Variants in LHFPL6 observed in about 807,000 individuals in gnomAD.
The protein encoded by LHFPL6 is LHFPL tetraspan subfamily member 6 protein.
A neutral mutation model predicts 20.6 loss-of-function variants in LHFPL6; 9 were observed. The observed-to-expected ratio is 0.44, with a 90% CI of 0.26 to 0.76. The LOEUF (loss-of-function observed/expected upper bound fraction) is 0.76. Among genes scored for constraint, LHFPL6 ranks in the 30% least tolerant of loss-of-function variants. The probability of loss-of-function intolerance (pLI) is 0.20; values close to 1 mark genes in which losing one functional copy is unlikely to be tolerated. For synonymous variants in LHFPL6, 105 were observed against 98.7 expected, an observed-to-expected ratio of 1.06 and a Z score of -0.38; for missense variants, 218 against 253.5, an observed-to-expected ratio of 0.86 and a Z score of 0.95.
intron 2 of LHFPL6, among the ~76,000 whole-genome samples, chr13:39,563,129 C>CACACAT (rs1230197586): frequency 1.5e-5 from 2 of 131,176 alleles, no homozygotes; most frequent in Non-Finnish European, 3.2e-5. Flanking sequence ...CACACACACA[C>CACACAT]ACACACACAC....
intron 2 of LHFPL6, among the ~76,000 whole-genome samples, chr13:39,410,421 G>T (rs1005838497): frequency 4.6e-5 from 7 of 152,182 alleles, no homozygotes; most frequent in African/African-American, 1.7e-4. Flanking sequence ...GTGGTCTCCA[G>T]TATCCCCATG....
intron 2 of LHFPL6, among the ~76,000 whole-genome samples, chr13:39,473,385 C>A (rs1207576365): frequency 2.7e-5 from 4 of 150,522 alleles, no homozygotes; most frequent in Non-Finnish European, 5.9e-5. Context: ...GTTTACTAGT[C>A]CAATATGCCA....
chr13:39,362,977 A>G (rs557232909), intron 3 of LHFPL6, among the ~76,000 whole-genome samples: 18 of 152,296 alleles, frequency 1.2e-4, no homozygotes, highest in Admixed American at 5.2e-4. Flanking sequence ...CACAGAGCCC[A>G]TTTTCCTCCA....
chr13:39,445,248 CA>C (rs1243252637), intron 2 of LHFPL6, among the ~76,000 whole-genome samples: 2 of 152,210 alleles, frequency 1.3e-5, no homozygotes, highest in Non-Finnish European at 2.9e-5. Context: ...ATGAAATGGA[CA>C]CAGTCCCTTT....
At chr13:39,554,538 T>C (rs1871243178) in intron 2 of LHFPL6, among the ~76,000 whole-genome samples, 1 of 152,236 alleles carries the variant, frequency 6.6e-6, no homozygotes, top group Non-Finnish European at 1.5e-5. Context: ...TTCCTTCTAG[T>C]TGTTTCGCCT....
At chr13:39,426,291 G>A (rs1392562266) in intron 2 of LHFPL6, among the ~76,000 whole-genome samples, 1 of 151,268 alleles carries the variant, frequency 6.6e-6, no homozygotes, top group Non-Finnish European at 1.5e-5. Context: ...CACCATCTCG[G>A]CTCACTACAA....
intron 2 of LHFPL6, among the ~76,000 whole-genome samples, chr13:39,506,531 CT>C (rs1469966364): frequency 6.6e-6 from 1 of 152,202 alleles, no homozygotes; most frequent in Non-Finnish European, 1.5e-5. Context: ...ACATTTCACA[CT>C]AAAGTCATTT....
rs766449699 is a variant in LHFPL6, at chr13:39,511,679, ATTTTC to A, written c.385+89148_385+89152del. On this transcript the variant is annotated intron_variant, in intron 2 of 3. Coordinates refer to ENST00000379589, the MANE Select transcript of LHFPL6 (RefSeq NM_005780.3). ...AAAAATGAATAACCCCAGGCCACTA[ATTTTC>A]TTTTTGGAATCAATCACCAATTTAA... Among the ~76,000 whole-genome samples the A allele has an allele frequency of 1.4e-4, 21 of 152,126 alleles. 1 individual carries two copies. The highest frequency in any genetic ancestry group is 8.5e-4 in the Admixed American group (13 of 15,258).
chr13:39,382,783 G>A (rs1870476858), intron 2 of LHFPL6, among the ~76,000 whole-genome samples: 1 of 152,146 alleles, frequency 6.6e-6, no homozygotes, highest in African/African-American at 2.4e-5. Context: ...AACATACCAT[G>A]AACATATGCT....
At chr13:39,547,038 T>C (rs73466835) in intron 2 of LHFPL6, among the ~76,000 whole-genome samples, 49,571 of 151,718 alleles carry the variant, frequency 0.33, 8,251 homozygotes, top group Middle Eastern at 0.44. Flanking sequence ...CCTCCAATTT[T>C]CTGCCCTAAC....
chr13:39,574,030 A>G (rs1194144030), intron 2 of LHFPL6, among the ~76,000 whole-genome samples: 1 of 152,174 alleles, frequency 6.6e-6, no homozygotes, highest in Non-Finnish European at 1.5e-5. Context: ...GAGACAGGGA[A>G]GGGGCATATT....
rs191730288 is a variant in LHFPL6 at position 39,565,928 on chromosome 13, G to C, written c.385+34904C>G. ...AATAACAACAGGAAGAAACTTTGCT[G>C]CCAAATAAAAAGAGACCAAATCAAC... On this transcript the variant is annotated intron_variant, in intron 2 of 3. Coordinates refer to ENST00000379589, the MANE Select transcript of LHFPL6 (RefSeq NM_005780.3). Among the ~76,000 whole-genome samples the C allele has an allele frequency of 2.9e-3, 438 of 152,290 alleles. 1 individual carries two copies. Among genetic ancestry groups the C allele is most frequent in the Non-Finnish European group, 4.4e-3 (297 of 68,020 alleles).
intron 2 of LHFPL6, among the ~76,000 whole-genome samples, chr13:39,594,937 A>G (rs1872721907): frequency 6.6e-6 from 1 of 152,028 alleles, no homozygotes; most frequent in South Asian, 2.1e-4. Flanking sequence ...CGGACACAGG[A>G]AGGGGAACAT....
chr13:39,362,902 G>A (rs537312545), intron 3 of LHFPL6, among the ~76,000 whole-genome samples: 20 of 152,230 alleles, frequency 1.3e-4, no homozygotes, highest in Non-Finnish European at 2.6e-4. Flanking sequence ...CAGTGGGGAA[G>A]GAACAGAGTG....
At chr13:39,365,211 T>G (rs552083715) in intron 3 of LHFPL6, among the ~76,000 whole-genome samples, 1 of 152,318 alleles carries the variant, frequency 6.6e-6, no homozygotes, top group Non-Finnish European at 1.5e-5. Flanking sequence ...CCATGTGAAC[T>G]ATGGCTGCAG....
At chr13:39,477,858 T>C (rs998773337) in intron 2 of LHFPL6, among the ~76,000 whole-genome samples, 3 of 152,170 alleles carry the variant, frequency 2.0e-5, no homozygotes, top group African/African-American at 7.2e-5. Context: ...AGTCAACAGA[T>C]AGCTAATAAA....
chr13:39,520,001 C>T (rs375151586), intron 2 of LHFPL6, among the ~76,000 whole-genome samples: 12 of 152,164 alleles, frequency 7.9e-5, no homozygotes, highest in South Asian at 2.1e-4. Flanking sequence ...GCTTCCTAGA[C>T]GTGTACATTA....
chr13:39,461,785 T>C (rs942024355), intron 2 of LHFPL6, among the ~76,000 whole-genome samples: 6 of 152,152 alleles, frequency 3.9e-5, no homozygotes, highest in Admixed American at 2.6e-4. Flanking sequence ...CTGAAGTATT[T>C]GCATTAAACA....
intron 2 of LHFPL6, among the ~76,000 whole-genome samples, chr13:39,514,801 C>A (rs549118492): frequency 1.3e-5 from 2 of 152,308 alleles, no homozygotes; most frequent in East Asian, 3.9e-4. Context: ...GTGGAAGAAG[C>A]CAACCAAGGA....
Sources: gnomAD v4.1 joint callset for allele counts (sites outside exome capture counted in the v4.1 genomes callset) on GRCh38, gnomAD v4.1.1 for gene constraint, MANE v1.5 for transcripts, NCBI Gene and HGNC (gene_info 2026-07-23, HGNC 2026-07-21) for gene names.